Variants in ABCA5 observed in about 807,000 individuals in gnomAD.
The protein encoded by ABCA5 is ATP binding cassette subfamily A member 5.
Under a neutral mutation model 206.0 loss-of-function variants are expected in ABCA5, and 163 were observed. The ratio of observed to expected loss-of-function variants is 0.79; its 90% CI spans 0.70 to 0.90. The LOEUF (loss-of-function observed/expected upper bound fraction) is 0.90. Ranked by LOEUF, ABCA5 falls within the 40% of genes least tolerant of loss-of-function variation. The pLI, the probability that ABCA5 is intolerant of heterozygous loss-of-function variation, is 0.00. For synonymous variants in ABCA5, 609 were observed against 613.8 expected (o/e 0.99, Z 0.11); for missense variants, 1,859 against 1,912.9 (o/e 0.97, Z 0.53).
intron 18 of ABCA5, among the ~76,000 whole-genome samples, chr17:69,278,696 T>C (rs2075359130): frequency 6.6e-6 from 1 of 152,180 alleles, no homozygotes; most frequent in African/African-American, 2.4e-5. Context: ...TAAATTACAG[T>C]TAAACATTCC....
At position 69,255,338 on chromosome 17, in the gene ABCA5, G is replaced by A. The variant is rs972337459; in HGVS notation, c.4068+205C>T. Among the ~76,000 whole-genome samples the A allele has an allele frequency of 5.3e-5, 8 of 152,144 alleles. No individual in the cohort carries two copies. The East Asian group carries it at 7.7e-4, about 15-fold the overall frequency. On this transcript the variant is annotated intron_variant, in intron 31 of 38. Coordinates refer to ENST00000392676, the MANE Select transcript of ABCA5 (RefSeq NM_172232.4). ...ACAAAAGCAGAAATACTGTATATGC[G>A]TGTGTCTACATGTGTCTATGAAAAT...
intron 11 of ABCA5, among the ~76,000 whole-genome samples, chr17:69,292,650 T>C (rs1163148220): frequency 6.6e-5 from 10 of 152,216 alleles, no homozygotes; most frequent in Admixed American, 4.6e-4. Flanking sequence ...CAATTATAAT[T>C]ATACTTAACT....
intron 10 of ABCA5, 145 bp from the exon 11 acceptor site, chr17:69,294,858 A>G (rs2075569118): frequency 3.8e-6 from 2 of 532,678 alleles, no homozygotes; most frequent in Non-Finnish European, 3.1e-6. Context: ...AAAACAATGA[A>G]CCAAATAATG....
At chr17:69,283,221 C>T (rs1359485606) in intron 18 of ABCA5, among the ~76,000 whole-genome samples, 4 of 151,942 alleles carry the variant, frequency 2.6e-5, no homozygotes, top group Non-Finnish European at 5.9e-5. Flanking sequence ...TGGGCTCAAG[C>T]GATCTCCCTG....
In ABCA5 at chr17:69,277,812, T is replaced by C; in HGVS notation, c.2423A>G (p.Glu808Gly). The stretch of plus-strand genomic sequence containing the variant: ...AAAAGATTTTGAATCCATTTCTTCC[T>C]CCAGTGGCTGCTGAGTAAATACACT... The part of the protein sequence containing the change: ...DYSVFTQQPL[E>G]EEMDSKSFDE... Residue 808 changes from glutamate (E) to glycine (G), a missense_variant, in exon 19 of 39, where the codon GAG becomes GGG. Transcript: ENST00000392676. The C allele has an allele frequency of 6.3e-7, 1 of 1,574,934 alleles. No homozygotes were observed. The highest frequency in any genetic ancestry group is 1.2e-5 in the South Asian group (1 of 83,296).
chr17:69,270,948 T>C (rs1362117859), intron 21 of ABCA5, among the ~76,000 whole-genome samples, 198 bp from the exon 22 acceptor site: 1 of 151,334 alleles, frequency 6.6e-6, no homozygotes, highest in Non-Finnish European at 1.5e-5. Context: ...TAAACAAGCA[T>C]ATAATTTTTT....
Position 69,250,638 on chromosome 17 carries a change from A to T in ABCA5, c.4536-17T>A. On this transcript the variant is annotated splice_polypyrimidine_tract_variant and intron_variant, in intron 35 of 38. Transcript: ENST00000392676. ...CCGATACATCTGAAGTAATTTTTTA[A>T]AAGAAAGCTCAGATATAAAATGACA... is the stretch of plus-strand genomic sequence containing the variant. The T allele has an allele frequency of 6.6e-7, 1 of 1,524,346 alleles. No homozygotes were observed. Among genetic ancestry groups the T allele is most frequent in the Non-Finnish European group, 8.8e-7 (1 of 1,138,666 alleles). The allele number at this position is 1,524,346 out of a possible 1,614,324, so 94.4% of individuals were successfully genotyped here.
chr17:69,244,779 A>G lies in ABCA5; in HGVS notation c.*2758T>C, dbSNP rs1157010679. The G allele has an allele frequency of 6.6e-6, 1 of 151,380 alleles. No individual in the cohort carries two copies. The highest frequency in any genetic ancestry group is 1.5e-5 in the Non-Finnish European group (1 of 67,714). 9.4% of individuals were successfully genotyped at this position (151,380 alleles called of 1,614,324 possible). ...AGTAACTAACAGAACAACAATAAAA[A>G]CAATAATAACAACACTTATCCTAAG... is the stretch of plus-strand genomic sequence containing the variant. On this transcript the variant is annotated 3_prime_UTR_variant, in exon 39 of 39. Coordinates refer to ENST00000392676, the MANE Select transcript of ABCA5 (RefSeq NM_172232.4).
At chr17:69,292,184 C>T (rs2075535085) in intron 11 of ABCA5, among the ~76,000 whole-genome samples, 1 of 152,068 alleles carries the variant, frequency 6.6e-6, no homozygotes, top group Non-Finnish European at 1.5e-5. Context: ...GTCTCAGATC[C>T]TAACGCCAAT....
At chr17:69,250,333 A>G (rs1256996092) in intron 36 of ABCA5, 139 bp downstream of exon 36, 1 of 610,284 alleles carries the variant, frequency 1.6e-6, no homozygotes, top group Non-Finnish European at 2.5e-6. Context: ...GAAAAAATAT[A>G]CATATATATT....
intron 24 of ABCA5, among the ~76,000 whole-genome samples, chr17:69,263,103 T>C (rs60350983): frequency 0.085 from 12,938 of 152,210 alleles, 581 homozygotes; most frequent in Non-Finnish European, 0.094. Flanking sequence ...GATTGCTGAA[T>C]TGTTTAAGTG....
intron 11 of ABCA5, among the ~76,000 whole-genome samples, chr17:69,291,924 G>A (rs1299705505): frequency 1.3e-5 from 2 of 151,900 alleles, no homozygotes; most frequent in Non-Finnish European, 2.9e-5. Flanking sequence ...ACTAGCCTGG[G>A]CAACATGGCG....
intron 23 of ABCA5, 68 bp from the exon 24 acceptor site, chr17:69,264,973 A>C (rs1431490687): frequency 9.1e-7 from 1 of 1,097,662 alleles, no homozygotes; most frequent in Non-Finnish European, 1.2e-6. Flanking sequence ...AAATTAGTAA[A>C]TTATTGTAGA....
At chr17:69,313,960 T>A (rs1408202320) in intron 2 of ABCA5, among the ~76,000 whole-genome samples, 2 of 152,128 alleles carry the variant, frequency 1.3e-5, no homozygotes, top group Non-Finnish European at 2.9e-5. Flanking sequence ...CATGGGCAAC[T>A]CAATCTAGAG....
In ABCA5 at chr17:69,314,434, T is replaced by A; in HGVS notation, c.-15-4A>T. 6.4e-7 allele frequency: 1 copy of A among 1,560,662 alleles called. No homozygotes were observed. The highest frequency in any genetic ancestry group is 8.8e-7 in the Non-Finnish European group (1 of 1,137,504). On this transcript the variant is annotated splice_region_variant and splice_polypyrimidine_tract_variant and intron_variant, in intron 1 of 38. Transcript: ENST00000392676. ...TGGACATGTTTTCTGAATAAACCTA[T>A]TAAAGAGGAAAAACAAACAAACAAA...
intron 3 of ABCA5, among the ~76,000 whole-genome samples, chr17:69,312,461 G>C (rs2075779544): frequency 6.6e-6 from 1 of 152,180 alleles, no homozygotes; most frequent in African/African-American, 2.4e-5. Flanking sequence ...CATAGTTGTA[G>C]TCTCCAAAGT....
intron 11 of ABCA5, among the ~76,000 whole-genome samples, chr17:69,292,512 A>G (rs1051076242): frequency 1.3e-5 from 2 of 152,176 alleles, no homozygotes; most frequent in Non-Finnish European, 2.9e-5. Context: ...TTGTCAATCT[A>G]AAAGATTTTA....
intron 7 of ABCA5, among the ~76,000 whole-genome samples, chr17:69,303,492 CCATA>C (rs1280708804): frequency 6.6e-6 from 1 of 150,756 alleles, no homozygotes; most frequent in African/African-American, 2.4e-5. Flanking sequence ...ATTACAGAAA[CCATA>C]AATAGCCATG....
intron 9 of ABCA5, among the ~76,000 whole-genome samples, chr17:69,300,018 A>G (rs1322649324): frequency 6.6e-6 from 1 of 152,180 alleles, no homozygotes; most frequent in Non-Finnish European, 1.5e-5. Flanking sequence ...GGATAGTTTC[A>G]GGATGATTCA....
Sources: allele counts gnomAD v4.1 joint callset (sites outside exome capture counted in the v4.1 genomes callset), GRCh38; gene constraint gnomAD v4.1.1; transcripts MANE v1.5; gene names NCBI Gene and HGNC (gene_info 2026-07-23, HGNC 2026-07-21).